Variants in HERC2 observed in about 807,000 individuals in gnomAD.
The protein encoded by HERC2 is E3 ubiquitin-protein ligase HERC2.
A neutral mutation model predicts 537.7 loss-of-function variants in HERC2; 102 were observed. That is an observed-to-expected ratio of 0.19 (90% CI 0.16 to 0.22). The LOEUF is 0.22. HERC2 is among the 10% of genes least tolerant of loss of function. HERC2 has a pLI of 1.00. For synonymous variants in HERC2, 2,224 were observed against 2,466.2 expected, an observed-to-expected ratio of 0.90 and a Z score of 2.91; for missense variants, 4,236 against 6,198.2, an observed-to-expected ratio of 0.68 and a Z score of 10.63.
chr15:28,268,307 T>C lies in HERC2; in HGVS notation c.1598+158A>G, dbSNP rs1203680258. ...ACACATGGGCAGAGCTCCTAAGCCA[T>C]CACCAAGGAGGAGGCATATCGTAGT... On this transcript the variant is annotated intron_variant, in intron 12 of 92. Transcript: ENST00000261609. This position sits in a 1 kb window ranked among gnomAD's most constrained non-coding sequence, Gnocchi z 4.7. 6.6e-6 allele frequency among the ~76,000 whole-genome samples: 1 copy of C among 152,084 alleles called. No individual in the cohort carries two copies. The highest frequency in any genetic ancestry group is 2.4e-5 in the African/African-American group (1 of 41,404).
chr15:28,292,980 T>C lies in HERC2; in HGVS notation c.230A>G (p.Asn77Ser). Residue 77 changes from asparagine to serine, a missense_variant, in exon 4 of 93, where the codon AAT becomes AGT. Asn to Ser is a conservative substitution (Grantham distance 46). This residue lies in a region of HERC2 where 491 missense variants were observed against 559.3 expected (regional missense o/e 0.88). Transcript: ENST00000261609. ...TTCTTCATCTTTTTTCTCTTTGTCA[T>C]TCAGATCTTCTTTCTTTGTTCCACT... is the stretch of plus-strand genomic sequence containing the variant. ...EPSGTKKEDL[N>S]DKEKKDEEET... 1.2e-6 allele frequency: 2 copies of C among 1,611,342 alleles called. 1 individual carries two copies. The highest frequency in any genetic ancestry group is 2.2e-5 in the South Asian group (2 of 90,832).
chr15:28,162,394 T>C (rs1379052347), intron 69 of HERC2, among the ~76,000 whole-genome samples: 3 of 152,156 alleles, frequency 2.0e-5, no homozygotes, highest in Non-Finnish European at 2.9e-5. Context: ...CATTTTTTTT[T>C]CAGCATAATA....
chr15:28,263,442 C>CT (rs2075467234), intron 14 of HERC2, among the ~76,000 whole-genome samples: 1 of 152,122 alleles, frequency 6.6e-6, no homozygotes, highest in South Asian at 2.1e-4. Flanking sequence ...TCAATGTTAA[C>CT]TGCTTCACAG....
chr15:28,123,097 CAG>C (rs2142097756), intron 85 of HERC2, among the ~76,000 whole-genome samples: 1 of 152,318 alleles, frequency 6.6e-6, no homozygotes, highest in African/African-American at 2.4e-5. Flanking sequence ...CCTCTCTCAT[CAG>C]AGAGATGGTC....
intron 17 of HERC2, among the ~76,000 whole-genome samples, chr15:28,256,735 C>T (rs1187020064): frequency 6.6e-6 from 1 of 152,156 alleles, no homozygotes; most frequent in Non-Finnish European, 1.5e-5. Context: ...GCTGGAACTA[C>T]AGGCGCCCGC....
At chr15:28,307,564 G>T (rs1412125678) in intron 2 of HERC2, among the ~76,000 whole-genome samples, 1 of 152,158 alleles carries the variant, frequency 6.6e-6, no homozygotes. Context: ...TTTGTTTCAA[G>T]AAACTGTTTA....
chr15:28,209,507 C>A lies in HERC2; in HGVS notation c.7069+1495G>T, dbSNP rs1898885005. 3.3e-5 allele frequency among the ~76,000 whole-genome samples: 5 copies of A among 152,060 alleles called. No homozygotes were observed. The South Asian group carries it at 1.0e-3, about 31-fold the overall frequency. ...TACAGGCACCTGCCACCACGCCCAGCTAATTTTTTGTATTTTTAGTAGAGA... is the reference window on the plus strand; with the variant it reads ...TACAGGCACCTGCCACCACGCCCAGATAATTTTTTGTATTTTTAGTAGAGA... On this transcript the variant is annotated intron_variant, in intron 44 of 92. Coordinates refer to ENST00000261609, the MANE Select transcript of HERC2 (RefSeq NM_004667.6).
rs186594592 is a variant in HERC2, at chr15:28,321,854, C to T, written c.-32+221G>A. 3.0e-3 allele frequency among the ~76,000 whole-genome samples: 436 copies of T among 145,090 alleles called. 9 individuals are homozygous for T. The highest frequency in any genetic ancestry group is 0.011 in the African/African-American group (398 of 35,468). ...TGCCGCTTTACCCCACAGCAGGGCG[C>T]GTGCGTGAAACAAAAAATTACTCAA... On this transcript the variant is annotated intron_variant, in intron 1 of 92. Transcript: ENST00000261609.
rs1894405230 is a variant in HERC2, at chr15:28,168,745, T to C, written c.10230-155A>G. Among the ~76,000 whole-genome samples the C allele has an allele frequency of 4.6e-5, 7 of 152,266 alleles. No individual in the cohort carries two copies. The South Asian group carries it at 1.4e-3, about 31-fold the overall frequency. On this transcript the variant is annotated intron_variant, in intron 66 of 92. Coordinates refer to ENST00000261609, the MANE Select transcript of HERC2 (RefSeq NM_004667.6). ...GGAAAACTACCAAACATTATTACCA[T>C]GTATCCTTTGGCTAATAGCTAAAAT...
At chr15:28,296,756 G>T (rs1196339715) in intron 3 of HERC2, among the ~76,000 whole-genome samples, 1 of 149,460 alleles carries the variant, frequency 6.7e-6, no homozygotes, top group African/African-American at 2.5e-5. Flanking sequence ...GACACTCTTA[G>T]CCTCAGCATC....
At chr15:28,148,681 G>GA (rs1445415174) in intron 70 of HERC2, among the ~76,000 whole-genome samples, 3 of 139,654 alleles carry the variant, frequency 2.1e-5, no homozygotes, top group Admixed American at 2.1e-4. Flanking sequence ...CACTACCGAA[G>GA]AAACACATGC....
At position 28,125,171 on chromosome 15, in the gene HERC2, G is replaced by A; in HGVS notation, c.12825C>T (p.Asp4275=). ...TEDGEVYTWG[D]NDEGQLGDGT... ...CGTCTCCCAGTTGTCCCTCATCATTGTCGCCCCATGTATAAACCTCACCTG... is the reference window on the plus strand; with the variant it reads ...CGTCTCCCAGTTGTCCCTCATCATTATCGCCCCATGTATAAACCTCACCTG... The change falls in exon 84 of 93, where the codon GAC becomes GAT. Residue 4275 remains aspartate, a synonymous_variant. Coordinates refer to ENST00000261609, the MANE Select transcript of HERC2 (RefSeq NM_004667.6). 6.2e-7 allele frequency: 1 copy of A among 1,613,496 alleles called. No homozygotes were observed. The highest frequency in any genetic ancestry group is 8.5e-7 in the Non-Finnish European group (1 of 1,179,414).
chr15:28,186,130 G>C (rs997097520), intron 56 of HERC2, among the ~76,000 whole-genome samples: 3 of 152,088 alleles, frequency 2.0e-5, no homozygotes, highest in Admixed American at 6.5e-5. Context: ...TAATGCCACT[G>C]AACTGTACAC....
At chr15:28,254,021 T>G (rs1353717197) in intron 20 of HERC2, among the ~76,000 whole-genome samples, 1 of 144,998 alleles carries the variant, frequency 6.9e-6, no homozygotes. Context: ...TGGTGGGTGA[T>G]GCCTGTAATC....
At chr15:28,236,326 T>C (rs568447391) in intron 26 of HERC2, among the ~76,000 whole-genome samples, 1 of 152,088 alleles carries the variant, frequency 6.6e-6, no homozygotes, top group African/African-American at 2.4e-5. Context: ...GTCTCGCTCT[T>C]GTCACCAAGG....
chr15:28,263,233 C>T, intron 14 of HERC2, 64 bp from the exon 15 acceptor site: 1 of 1,541,166 alleles, frequency 6.5e-7, no homozygotes, highest in Non-Finnish European at 8.8e-7. Flanking sequence ...TTTTAAATGA[C>T]TGCAAATAAT....
chr15:28,316,075 T>G, intron 2 of HERC2: 3 of 341,102 alleles, frequency 8.8e-6, no homozygotes, highest in Middle Eastern at 9.2e-4. Context: ...AAAAAAAAAT[T>G]ATCTGGGTGT....
At chr15:28,173,807 A>ACAAATAAACAAAAC (rs1894940509) in intron 65 of HERC2, among the ~76,000 whole-genome samples, 3 of 151,620 alleles carry the variant, frequency 2.0e-5, no homozygotes, top group African/African-American at 4.8e-5. Flanking sequence ...AAAAAAAAAA[A>ACAAATAAACAAAAC]ACCCAACCAA....
chr15:28,118,599 G>A (rs1888535606), intron 86 of HERC2, among the ~76,000 whole-genome samples: 1 of 152,190 alleles, frequency 6.6e-6, no homozygotes, highest in African/African-American at 2.4e-5. Flanking sequence ...AAGATGACCT[G>A]TGTTCTGGAG....
Sources: allele counts gnomAD v4.1 joint callset (sites outside exome capture counted in the v4.1 genomes callset), GRCh38; gene constraint gnomAD v4.1.1; regional missense constraint gnomAD v4.1.1; non-coding constraint Gnocchi (gnomAD v3.1); transcripts MANE v1.5; gene names NCBI Gene and HGNC (gene_info 2026-07-23, HGNC 2026-07-21).